The following PLXDC2 variants were observed in gnomAD, a reference collection of about 807,000 sequenced individuals.
The protein encoded by PLXDC2 is plexin domain-containing protein 2.
PLXDC2 carries 40 observed loss-of-function variants against 68.9 expected under a neutral mutation model. That is an observed-to-expected ratio of 0.58 (90% confidence interval 0.45 to 0.76). The LOEUF is 0.76. Among genes scored for constraint, PLXDC2 ranks in the 30% least tolerant of loss-of-function variants. PLXDC2 has a pLI of 0.00. For missense variants in PLXDC2, 644 were observed against 661.9 expected, an observed-to-expected ratio of 0.97 and a Z score of 0.30; for synonymous variants, 243 against 234.2, an observed-to-expected ratio of 1.04 and a Z score of -0.34.
chr10:20,140,253 C>A (rs1007878766), intron 4 of PLXDC2, among the ~76,000 whole-genome samples: 1 of 151,904 alleles, frequency 6.6e-6, no homozygotes, highest in African/African-American at 2.4e-5. Context: ...GAGCAGAGAT[C>A]GCGCCACTGC....
At chr10:20,073,167 G>C (rs1836366436) in intron 4 of PLXDC2, among the ~76,000 whole-genome samples, 1 of 152,104 alleles carries the variant, frequency 6.6e-6, no homozygotes, top group Non-Finnish European at 1.5e-5. Context: ...CATTGGGTGT[G>C]GGAAAAATTA....
intron 1 of PLXDC2, among the ~76,000 whole-genome samples, chr10:19,913,159 A>G (rs1215430560): frequency 1.3e-5 from 2 of 152,162 alleles, no homozygotes; most frequent in East Asian, 1.9e-4. Flanking sequence ...CCAAATCTCA[A>G]GTCGATTTGT....
Position 19,936,136 on chromosome 10 carries a change from A to C in PLXDC2, c.113-65639A>C, listed in dbSNP as rs61209373. 8.3e-3 allele frequency among the ~76,000 whole-genome samples: 1,267 copies of C among 152,308 alleles called. 25 individuals carry two copies. Among genetic ancestry groups the C allele is most frequent in the African/African-American group, 0.029 (1,202 of 41,568 alleles). ...GCATATAGAAAAATTACAAATTCCA[A>C]TTGTAAGCTTGATATATTTTCACTG... On this transcript the variant is annotated intron_variant, in intron 1 of 13. Transcript: ENST00000377252.
intron 1 of PLXDC2, among the ~76,000 whole-genome samples, chr10:19,968,277 G>A (rs770169122): frequency 5.3e-5 from 8 of 152,140 alleles, no homozygotes; most frequent in African/African-American, 1.2e-4. Context: ...TATTAGATGA[G>A]TGATTAAATA....
In PLXDC2 at chr10:20,217,425, G is replaced by T; in HGVS notation, c.1123-1G>T. ...GTTTTCCTTTTCTTTTCTCTTACTA[G>T]TCAAAAGAGAAGATGTGTGAGAATA... On this transcript the variant is annotated splice_acceptor_variant, in intron 10 of 13. Coordinates refer to ENST00000377252, the MANE Select transcript of PLXDC2 (RefSeq NM_032812.9). LOFTEE classifies it high-confidence loss of function. 6.2e-7 allele frequency: 1 copy of T among 1,605,728 alleles called. No homozygotes were observed. The highest frequency in any genetic ancestry group is 8.5e-7 in the Non-Finnish European group (1 of 1,176,074).
At chr10:20,235,135 C>T (rs1175371889) in intron 12 of PLXDC2, among the ~76,000 whole-genome samples, 1 of 152,142 alleles carries the variant, frequency 6.6e-6, no homozygotes. Context: ...ACATGGTTCC[C>T]TTCAGGTGGT....
intron 3 of PLXDC2, among the ~76,000 whole-genome samples, chr10:20,066,314 C>A (rs1451838421): frequency 6.6e-6 from 1 of 152,118 alleles, no homozygotes. Context: ...CTTGCAGTGG[C>A]TGAGAAACTC....
rs1346707517 is a variant in PLXDC2, at chr10:19,885,539, A to G, written c.112+68348A>G. 2.6e-5 allele frequency among the ~76,000 whole-genome samples: 4 copies of G among 152,128 alleles called. No homozygotes were observed. In the East Asian group the frequency reaches 7.7e-4, roughly 29 times the overall value. ...TTGAATTGATTTTTGTGTAAGGTGTAAGGAAGGGATCCAGTTTCAGCTTTC... is the reference window on the plus strand; with the variant it reads ...TTGAATTGATTTTTGTGTAAGGTGTGAGGAAGGGATCCAGTTTCAGCTTTC... On this transcript the variant is annotated intron_variant, in intron 1 of 13. Transcript: ENST00000377252.
In PLXDC2 at chr10:19,834,061, A is replaced by G. The variant is rs141131877; in HGVS notation, c.112+16870A>G. ...GTCTTCATGGTGTTATTTGAAAGCA[A>G]TGGAACCAGTCCTTGTTCCTGCATG... On this transcript the variant is annotated intron_variant, in intron 1 of 13. Transcript: ENST00000377252. 7.2e-5 allele frequency among the ~76,000 whole-genome samples: 11 copies of G among 152,180 alleles called. No individual in the cohort carries two copies. In the East Asian group the frequency reaches 1.5e-3, roughly 21 times the overall value.
At chr10:19,888,293 G>C (rs1837885684) in intron 1 of PLXDC2, among the ~76,000 whole-genome samples, 1 of 152,170 alleles carries the variant, frequency 6.6e-6, no homozygotes, top group African/African-American at 2.4e-5. Flanking sequence ...GAACAACTGG[G>C]AAATGATTCA....
intron 1 of PLXDC2, among the ~76,000 whole-genome samples, chr10:19,993,019 A>G (rs1834776551): frequency 6.6e-6 from 1 of 152,156 alleles, no homozygotes; most frequent in African/African-American, 2.4e-5. Context: ...GCCTCCCCGA[A>G]CCATCACTGG....
intron 13 of PLXDC2, among the ~76,000 whole-genome samples, chr10:20,251,453 G>A (rs1332321526): frequency 6.6e-6 from 1 of 151,976 alleles, no homozygotes; most frequent in East Asian, 1.9e-4. Context: ...CTTTTTGGAA[G>A]GGTCAATATA....
intron 4 of PLXDC2, among the ~76,000 whole-genome samples, chr10:20,116,356 T>A (rs1162666053): frequency 1.3e-5 from 2 of 152,224 alleles, no homozygotes; most frequent in Non-Finnish European, 2.9e-5. Flanking sequence ...GTAGTGTTGT[T>A]ATTACTTATC....
rs147255630 is a variant in PLXDC2 at position 20,279,726 on chromosome 10, G to A, written c.1497G>A (p.Ala499=). ...FIERRPSRWP[A]MKFRRGSGHP... ...AGAGACGCCCAAGCAGATGGCCTGC[G>A]ATGAAGTTTAGAAGAGGCTCTGGAC... is the stretch of plus-strand genomic sequence containing the variant. Residue 499 remains alanine (A), a synonymous_variant, in exon 14 of 14, where the codon GCG becomes GCA. Transcript: ENST00000377252. The A allele has an allele frequency of 5.5e-5, 89 of 1,613,768 alleles. No individual in the cohort carries two copies. The highest frequency in any genetic ancestry group is 3.1e-4 in the African/African-American group (23 of 74,838).
rs1168706864 is a variant in PLXDC2 at position 20,232,598 on chromosome 10, T to C, written c.1313-12747T>C. Among the ~76,000 whole-genome samples the C allele has an allele frequency of 2.0e-5, 3 of 152,160 alleles. No individual in the cohort carries two copies. In the East Asian group the frequency reaches 5.8e-4, roughly 29 times the overall value. Reference sequence around the variant, plus strand: ...AATAAAACAGATGCGTCCTAAAACATTGTTAAGCAAAAGATGCCAGACACA... The same window carrying C: ...AATAAAACAGATGCGTCCTAAAACACTGTTAAGCAAAAGATGCCAGACACA... On this transcript the variant is annotated intron_variant, in intron 12 of 13. Transcript: ENST00000377252.
At chr10:20,041,450 A>C (rs1399801694) in intron 2 of PLXDC2, among the ~76,000 whole-genome samples, 1 of 152,160 alleles carries the variant, frequency 6.6e-6, no homozygotes, top group Non-Finnish European at 1.5e-5. Context: ...GAGGCCTATA[A>C]GATTTCCTTG....
rs1836501740 is a variant in PLXDC2 at position 20,079,002 on chromosome 10, C to G, written c.541+10763C>G. ...TGAGATTGGGAGCATTTTTCTAAGA[C>G]TGATACAAAGCCCAGAAACCATAAA... On this transcript the variant is annotated intron_variant, in intron 4 of 13. Coordinates refer to ENST00000377252, the MANE Select transcript of PLXDC2 (RefSeq NM_032812.9). Among the ~76,000 whole-genome samples, 3 of 151,810 alleles carry G rather than the reference C, an allele frequency of 2.0e-5. No homozygotes were observed. In the South Asian group the frequency reaches 6.2e-4, roughly 31 times the overall value.
intron 6 of PLXDC2, among the ~76,000 whole-genome samples, chr10:20,158,868 C>A (rs980556335): frequency 6.6e-6 from 1 of 152,020 alleles, no homozygotes. Context: ...TCACCTTTTC[C>A]TCATTAATCT....
At chr10:20,254,298 A>G (rs1835715513) in intron 13 of PLXDC2, among the ~76,000 whole-genome samples, 1 of 152,192 alleles carries the variant, frequency 6.6e-6, no homozygotes, top group Admixed American at 6.6e-5. Flanking sequence ...GAGCCAGGCA[A>G]GAATTCAAAG....
Sources: allele counts gnomAD v4.1 joint callset (sites outside exome capture counted in the v4.1 genomes callset), GRCh38; gene constraint gnomAD v4.1.1; transcripts MANE v1.5; gene names NCBI Gene and HGNC (gene_info 2026-07-23, HGNC 2026-07-21).